The following CRK variants were observed in gnomAD, a reference collection of about 807,000 sequenced individuals.
The protein encoded by CRK is adapter molecule crk.
Under a neutral mutation model 29.8 loss-of-function variants are expected in CRK, and 4 were observed. The ratio of observed to expected loss-of-function variants is 0.13; its 90% CI spans 0.07 to 0.31. The LOEUF is 0.31. CRK is among the 10% of genes least tolerant of loss of function. CRK has a pLI of 1.00. For synonymous variants in CRK, 153 were observed against 164.9 expected (o/e 0.93, Z 0.55); for missense variants, 274 against 396.5 (o/e 0.69, Z 2.62).
At chr17:1,431,024 C>T (rs142982149) in intron 2 of CRK, among the ~76,000 whole-genome samples, 20 of 151,402 alleles carry the variant, frequency 1.3e-4, no homozygotes, top group African/African-American at 4.6e-4. Flanking sequence ...GCCGAGATCA[C>T]GCACTGCACT....
chr17:1,429,076 G>C (rs866421209), intron 2 of CRK, among the ~76,000 whole-genome samples: 1 of 151,880 alleles, frequency 6.6e-6, no homozygotes, highest in Admixed American at 6.6e-5. Context: ...TCCAACTCCT[G>C]ACCTCAGGTG....
intron 1 of CRK, among the ~76,000 whole-genome samples, chr17:1,452,772 A>G (rs553686096): frequency 1.3e-5 from 2 of 152,176 alleles, no homozygotes; most frequent in East Asian, 3.9e-4. Context: ...CGTGGGAGAC[A>G]AGAGTAAAAA....
chr17:1,456,210 A>T lies in CRK; in HGVS notation c.-93T>A. 1 of 1,327,070 alleles carries T rather than the reference A, an allele frequency of 7.5e-7. No individual in the cohort carries two copies. Among genetic ancestry groups the T allele is most frequent in the Non-Finnish European group, 9.6e-7 (1 of 1,041,630 alleles). 82.2% of individuals were successfully genotyped at this position (1,327,070 alleles called of 1,614,324 possible). ...CGCCCAGCGGACCGGCTCCGGTTTC[A>T]GCTTCACAGCAGCGCCCGAAATGGC... On this transcript the variant is annotated 5_prime_UTR_variant, in exon 1 of 3. Transcript: ENST00000300574.
Position 1,437,059 on chromosome 17 carries a change from G to C in CRK, c.338C>G (p.Thr113Arg). Residue 113 changes from threonine to arginine, a missense_variant, in exon 2 of 3, where the codon ACG becomes AGG. Thr to Arg is a moderately conservative substitution (Grantham distance 71, BLOSUM62 -1). Coordinates refer to ENST00000300574, the MANE Select transcript of CRK (RefSeq NM_016823.4). Reference sequence around the variant, plus strand: ...GGATCTGGAAACTGGTTCTATCAACGTTGTAGTGTCCAAATAGTGTATTTT... The same window carrying C: ...GGATCTGGAAACTGGTTCTATCAACCTTGTAGTGTCCAAATAGTGTATTTT... Reference protein sequence around the residue: ...FYKIHYLDTTTLIEPVSRSRQ... With the variant: ...FYKIHYLDTTRLIEPVSRSRQ... 1.2e-6 allele frequency: 2 copies of C among 1,614,170 alleles called. No individual in the cohort carries two copies. The highest frequency in any genetic ancestry group is 1.7e-6 in the Non-Finnish European group (2 of 1,180,034).
intron 1 of CRK, among the ~76,000 whole-genome samples, chr17:1,449,108 T>C (rs1338181216): frequency 3.3e-5 from 5 of 152,108 alleles, no homozygotes; most frequent in Admixed American, 6.6e-5. Flanking sequence ...TATCACAAAC[T>C]ATTACCACCC....
intron 1 of CRK, among the ~76,000 whole-genome samples, chr17:1,454,790 C>T (rs1466839472): frequency 1.3e-5 from 2 of 152,206 alleles, no homozygotes; most frequent in African/African-American, 4.8e-5. Context: ...CCCAGAATTA[C>T]TTTGTACCTC....
Position 1,421,113 on chromosome 17 carries a change from CT to C in CRK, c.*2399del, listed in dbSNP as rs1387955742. 6.6e-6 allele frequency: 1 copy of C among 152,136 alleles called. No homozygotes were observed. The allele number at this position is 152,136 out of a possible 1,614,324, so 9.4% of individuals were successfully genotyped here. On this transcript the variant is annotated 3_prime_UTR_variant, in exon 3 of 3. Coordinates refer to ENST00000300574, the MANE Select transcript of CRK (RefSeq NM_016823.4). ...TTTTGGAAGACACTTATAAGACATC[CT>C]TTGATTTCTTGAGGGGCATTAACTG...
intron 1 of CRK, 23 bp downstream of exon 1, chr17:1,455,854 C>T (rs771181307): frequency 1.3e-6 from 2 of 1,529,094 alleles, no homozygotes; most frequent in Non-Finnish European, 1.8e-6. Context: ...CGCCCAGGGC[C>T]CGCCGTCCCG....
rs191242408 is a variant in CRK, at chr17:1,428,973, G to C, written c.778-5323C>G. Among the ~76,000 whole-genome samples, 16 of 151,582 alleles carry C rather than the reference G, an allele frequency of 1.1e-4. No individual in the cohort carries two copies. The East Asian group carries it at 2.5e-3, about 24-fold the overall frequency. On this transcript the variant is annotated intron_variant, in intron 2 of 2. Transcript: ENST00000300574. The stretch of plus-strand genomic sequence containing the variant: ...CGATTCTCCTGCCTCAGCCTCCTGA[G>C]TAGCTGGGATTACTGGCGCACGCCA...
chr17:1,425,886 G>A (rs2073774881), intron 2 of CRK, among the ~76,000 whole-genome samples: 1 of 152,166 alleles, frequency 6.6e-6, no homozygotes, highest in African/African-American at 2.4e-5. Context: ...AAGACACAGA[G>A]GTTGAGAAAA....
intron 1 of CRK, among the ~76,000 whole-genome samples, chr17:1,444,897 C>G (rs1316512403): frequency 6.6e-6 from 1 of 151,854 alleles, no homozygotes; most frequent in Non-Finnish European, 1.5e-5. Context: ...GCCTGTAATC[C>G]CAGCACTCTG....
At chr17:1,429,526 G>A (rs563708609) in intron 2 of CRK, among the ~76,000 whole-genome samples, 135 of 151,896 alleles carry the variant, frequency 8.9e-4, no homozygotes, top group African/African-American at 1.9e-3. Flanking sequence ...TGCCCAACTC[G>A]GCCTCCCAAA....
rs753041568 is a variant in CRK at position 1,437,053 on chromosome 17, A to G, written c.344T>C (p.Ile115Thr). 1 of 1,614,180 alleles carries G rather than the reference A, an allele frequency of 6.2e-7. No individual in the cohort carries two copies. Among genetic ancestry groups the G allele is most frequent in the South Asian group, 1.1e-5 (1 of 91,078 alleles). The change falls in exon 2 of 3, where the codon ATA becomes ACA. Residue 115 changes from isoleucine (I) to threonine (T), a missense_variant. Transcript: ENST00000300574. Reference protein sequence around the residue: ...KIHYLDTTTLIEPVSRSRQGS... With the variant: ...KIHYLDTTTLTEPVSRSRQGS... ...CTGCCTGGATCTGGAAACTGGTTCTATCAACGTTGTAGTGTCCAAATAGTG... is the reference window on the plus strand; with the variant it reads ...CTGCCTGGATCTGGAAACTGGTTCTGTCAACGTTGTAGTGTCCAAATAGTG...
At chr17:1,454,055 A>G (rs2074038176) in intron 1 of CRK, among the ~76,000 whole-genome samples, 1 of 151,646 alleles carries the variant, frequency 6.6e-6, no homozygotes. Context: ...ACAAAAAATT[A>G]GCTGGGCGTG....
intron 2 of CRK, among the ~76,000 whole-genome samples, chr17:1,428,755 C>CTCG (rs929304889): frequency 6.6e-6 from 1 of 150,758 alleles, no homozygotes; most frequent in Non-Finnish European, 1.5e-5. Context: ...AACTCCTGAC[C>CTCG]TCGTGATCTG....
intron 1 of CRK, among the ~76,000 whole-genome samples, chr17:1,450,713 G>A (rs912135730): frequency 1.3e-5 from 2 of 151,346 alleles, no homozygotes; most frequent in African/African-American, 2.4e-5. Flanking sequence ...GCAAAACCCC[G>A]TCTGTACTAA....
intron 1 of CRK, among the ~76,000 whole-genome samples, chr17:1,446,935 G>GT (rs2073980101): frequency 6.6e-6 from 1 of 152,156 alleles, no homozygotes; most frequent in Non-Finnish European, 1.5e-5. Context: ...ACACAGAAAC[G>GT]TAAGCAAAAC....
chr17:1,440,522 G>C (rs970350257), intron 1 of CRK, among the ~76,000 whole-genome samples: 5 of 152,088 alleles, frequency 3.3e-5, no homozygotes, highest in Non-Finnish European at 7.4e-5. Context: ...GTTTACGTCT[G>C]TAATCCCAGC....
intron 2 of CRK, among the ~76,000 whole-genome samples, chr17:1,436,309 A>T (rs2073886043): frequency 2.0e-5 from 3 of 152,198 alleles, no homozygotes; most frequent in Admixed American, 2.0e-4. Context: ...AGCAAGAAAC[A>T]GATGAGGATG....
Sources: gnomAD v4.1 joint callset for allele counts (sites outside exome capture counted in the v4.1 genomes callset) on GRCh38, gnomAD v4.1.1 for gene constraint, MANE v1.5 for transcripts, NCBI Gene and HGNC (gene_info 2026-07-23, HGNC 2026-07-21) for gene names.